The following LGR6 variants were observed in gnomAD, a reference collection of about 807,000 sequenced individuals.
LGR6 encodes leucine-rich repeat-containing G protein-coupled receptor 6.
LGR6 carries 45 observed loss-of-function variants against 69.4 expected under a neutral mutation model. That is an observed-to-expected ratio of 0.65 (90% CI 0.51 to 0.83). The LOEUF (loss-of-function observed/expected upper bound fraction) is 0.83, where lower values mean the gene tolerates loss of function less well. Among genes scored for constraint, LGR6 ranks in the 40% least tolerant of loss-of-function variants. The probability of loss-of-function intolerance (pLI) is 0.00; values close to 1 mark genes in which losing one functional copy is unlikely to be tolerated. For synonymous variants in LGR6, 538 were observed against 555.0 expected (o/e 0.97, Z 0.43); for missense variants, 1,108 against 1,246.7 (o/e 0.89, Z 1.68).
At chr1:202,295,211 C>G (rs746450591) in intron 6 of LGR6, among the ~76,000 whole-genome samples, 1 of 151,486 alleles carries the variant, frequency 6.6e-6, no homozygotes, top group Non-Finnish European at 1.5e-5. Context: ...GCCTGTAATC[C>G]CAGCTACTCA....
intron 6 of LGR6, among the ~76,000 whole-genome samples, chr1:202,296,464 G>A (rs1667169091): frequency 6.6e-6 from 1 of 152,180 alleles, no homozygotes; most frequent in Non-Finnish European, 1.5e-5. Flanking sequence ...CTACTTCCCA[G>A]TCACTCTGTA....
chr1:202,218,938 G>T (rs1659966156), intron 1 of LGR6, among the ~76,000 whole-genome samples: 1 of 152,164 alleles, frequency 6.6e-6, no homozygotes, highest in South Asian at 2.1e-4. Flanking sequence ...ACTCCTTGAT[G>T]GCCCAGACCT....
chr1:202,203,796 A>T, intron 1 of LGR6: 1 of 1,613,822 alleles, frequency 6.2e-7, no homozygotes. Flanking sequence ...GTTGTGGTGC[A>T]AAGGAAAACC....
intron 4 of LGR6, among the ~76,000 whole-genome samples, chr1:202,248,908 C>T (rs1262055354): frequency 1.3e-5 from 2 of 152,132 alleles, no homozygotes; most frequent in Non-Finnish European, 2.9e-5. Context: ...CACAGGTGAC[C>T]CTGGCCCCCT....
chr1:202,208,247 T>C (rs1439384710), intron 1 of LGR6, among the ~76,000 whole-genome samples: 1 of 152,196 alleles, frequency 6.6e-6, no homozygotes, highest in Non-Finnish European at 1.5e-5. Context: ...TAGGACGCTG[T>C]CTTTGCCGCC....
At chr1:202,263,846 G>C (rs1389770514) in intron 4 of LGR6, among the ~76,000 whole-genome samples, 3 of 152,224 alleles carry the variant, frequency 2.0e-5, no homozygotes, top group African/African-American at 7.2e-5. Context: ...ATATGAAATA[G>C]AGAACTGGGG....
In LGR6 at chr1:202,307,353, G is replaced by A. The variant is rs148689184; in HGVS notation, c.1232G>A (p.Arg411Gln). Residue 411 changes from arginine (R) to glutamine (Q), a missense_variant, in exon 14 of 18, where the codon CGG (arginine) becomes CAG (glutamine). Coordinates refer to ENST00000367278, the MANE Select transcript of LGR6 (RefSeq NM_001017403.2). ...QALDLSWNAI[R>Q]SIHPEAFSTL... is the part of the protein sequence containing the mutation. The stretch of plus-strand genomic sequence containing the variant: ...AGGGATCTTAGCTGGAACGCCATCC[G>A]GTCCATCCACCCCGAGGCCTTCTCC... 16 of 1,613,976 alleles carry A rather than the reference G, an allele frequency of 9.9e-6. No homozygotes were observed. Among genetic ancestry groups the A allele is most frequent in the East Asian group, 6.7e-5 (3 of 44,882 alleles).
chr1:202,312,130 G>A lies in LGR6; in HGVS notation c.1567+1773G>A, dbSNP rs557811124. Among the ~76,000 whole-genome samples the A allele has an allele frequency of 2.4e-3, 364 of 152,338 alleles. 2 individuals are homozygous for A. The highest frequency in any genetic ancestry group is 8.2e-3 in the African/African-American group (342 of 41,574). ...GCGTCAAGATCGTGGGCTGCCTGCC[G>A]CCTGTAACGGGAGCTAGGGCAGGGC... On this transcript the variant is annotated intron_variant, in intron 16 of 17. Coordinates refer to ENST00000367278, the MANE Select transcript of LGR6 (RefSeq NM_001017403.2).
chr1:202,225,824 G>C (rs1203515557), intron 2 of LGR6, among the ~76,000 whole-genome samples: 1 of 152,004 alleles, frequency 6.6e-6, no homozygotes, highest in African/African-American at 2.4e-5. Flanking sequence ...CCCAAGTCCT[G>C]GTGGTTCTTC....
intron 10 of LGR6, 63 bp from the exon 11 acceptor site, chr1:202,304,496 G>A (rs577922390): frequency 6.5e-5 from 78 of 1,197,504 alleles, no homozygotes; most frequent in African/African-American, 3.3e-4. Flanking sequence ...GAGCTGGAGC[G>A]GGGTGGCTGG....
intron 1 of LGR6, chr1:202,210,693 A>G (rs1480255110): frequency 6.6e-6 from 1 of 152,240 alleles, no homozygotes; most frequent in Non-Finnish European, 1.5e-5. Context: ...CCTTCCACTT[A>G]GAAGCTTTTG....
At chr1:202,214,424 G>T (rs1024909141) in intron 1 of LGR6, among the ~76,000 whole-genome samples, 45 of 151,578 alleles carry the variant, frequency 3.0e-4, no homozygotes, top group African/African-American at 8.8e-4. Context: ...GGAGCGGGCG[G>T]CGCGGGCAGG....
intron 4 of LGR6, among the ~76,000 whole-genome samples, chr1:202,270,141 A>C (rs1664969291): frequency 6.6e-6 from 1 of 151,888 alleles, no homozygotes; most frequent in Non-Finnish European, 1.5e-5. Context: ...CATATCTTAC[A>C]CAAAGAACTG....
At chr1:202,260,868 T>C (rs3010078) in intron 4 of LGR6, among the ~76,000 whole-genome samples, 70,111 of 152,024 alleles carry the variant, frequency 0.46, 17,986 homozygotes, top group East Asian at 0.7. Flanking sequence ...TGACATGCAG[T>C]GTGCCAGGAA....
At chr1:202,229,634 C>T (rs1660847200) in intron 3 of LGR6, among the ~76,000 whole-genome samples, 1 of 152,260 alleles carries the variant, frequency 6.6e-6, no homozygotes, top group African/African-American at 2.4e-5. Context: ...AAACCACAGG[C>T]CTCCCGCCCC....
intron 1 of LGR6, chr1:202,197,181 C>T: frequency 2.0e-6 from 1 of 494,962 alleles, no homozygotes; most frequent in South Asian, 1.5e-5. Context: ...TCTCTTCCCC[C>T]ACTCCACGGC....
At chr1:202,306,523 G>T (rs983957784) in intron 12 of LGR6, among the ~76,000 whole-genome samples, 4 of 152,192 alleles carry the variant, frequency 2.6e-5, no homozygotes, top group African/African-American at 7.2e-5. Flanking sequence ...CACTTGGGTT[G>T]GGCGGTGCTC....
At chr1:202,296,121 G>C (rs565457069) in intron 6 of LGR6, among the ~76,000 whole-genome samples, 13 of 152,234 alleles carry the variant, frequency 8.5e-5, no homozygotes, top group Admixed American at 4.6e-4. Flanking sequence ...TGGTCCCCCT[G>C]CCCTGGCTTG....
intron 1 of LGR6, chr1:202,203,859 A>G (rs773070780): frequency 5.6e-6 from 9 of 1,613,554 alleles, no homozygotes; most frequent in African/African-American, 4.0e-5. Context: ...TCAAGTGTCA[A>G]TAATCATCTC....
Sources: gnomAD v4.1 joint callset for allele counts (sites outside exome capture counted in the v4.1 genomes callset) on GRCh38, gnomAD v4.1.1 for gene constraint, MANE v1.5 for transcripts, NCBI Gene and HGNC (gene_info 2026-07-23, HGNC 2026-07-21) for gene names.